The following CD63 variants were observed in gnomAD, a reference collection of about 807,000 sequenced individuals.
CD63 encodes the protein CD63 antigen.
A neutral mutation model predicts 29.2 loss-of-function variants in CD63; 16 were observed. That is an observed-to-expected ratio of 0.55 (90% CI 0.37 to 0.83). The LOEUF (loss-of-function observed/expected upper bound fraction) is 0.83. CD63 is among the 40% of genes least tolerant of loss of function. CD63 has a pLI of 0.00. For missense variants in CD63, 251 were observed against 297.3 expected, an observed-to-expected ratio of 0.84 and a Z score of 1.15; for synonymous variants, 118 against 111.7, an observed-to-expected ratio of 1.06 and a Z score of -0.36.
At position 55,728,443 on chromosome 12, in the gene CD63, C is replaced by T. The variant is rs1349379762; in HGVS notation, c.-11-91G>A. The stretch of plus-strand genomic sequence containing the variant: ...CGGCCGGCCCTCGAGGGCTTCCCTT[C>T]ACGGCCCCGATTCCCGGCCCCTCCC... On this transcript the variant is annotated intron_variant, in intron 1 of 7. Coordinates refer to ENST00000257857, the MANE Select transcript of CD63 (RefSeq NM_001780.6). This position sits in a 1 kb window ranked among gnomAD's most constrained non-coding sequence, Gnocchi z 4.8. 1.4e-5 allele frequency: 21 copies of T among 1,528,708 alleles called. No individual in the cohort carries two copies. Among genetic ancestry groups the T allele is most frequent in the South Asian group, 3.7e-5 (3 of 82,122 alleles). 94.7% of individuals were successfully genotyped at this position (1,528,708 alleles called of 1,614,324 possible).
At position 55,728,799 on chromosome 12, in the gene CD63, G is replaced by T; in HGVS notation, c.-12+154C>A. The T allele has an allele frequency of 1.0e-6, 1 of 982,644 alleles. No individual in the cohort carries two copies. The highest frequency in any genetic ancestry group is 1.2e-6 in the Non-Finnish European group (1 of 832,736). The allele number at this position is 982,644 out of a possible 1,614,324, so 60.9% of individuals were successfully genotyped here. A position where few individuals can be genotyped will look rare whatever the true frequency, so the allele number is the denominator to read the frequency against. Reference sequence around the variant, plus strand: ...GCAGCCAGCACCCCCGCCACACCCTGCCCGGGCCCAGGGAACTTCGAAGCA... The same window carrying T: ...GCAGCCAGCACCCCCGCCACACCCTTCCCGGGCCCAGGGAACTTCGAAGCA... On this transcript the variant is annotated intron_variant, in intron 1 of 7. Coordinates refer to ENST00000257857, the MANE Select transcript of CD63 (RefSeq NM_001780.6). The surrounding 1 kb of genome is among the most constrained non-coding windows in gnomAD (Gnocchi z 4.8).
chr12:55,727,955 GA>G, intron 2 of CD63: 1 of 1,203,686 alleles, frequency 8.3e-7, no homozygotes, highest in Non-Finnish European at 1.0e-6. Flanking sequence ...AGAGCGAAGG[GA>G]AGCCCCATGG....
chr12:55,725,360 C>A lies in CD63; in HGVS notation c.*201G>T. 1 of 597,082 alleles carries A rather than the reference C, an allele frequency of 1.7e-6. No individual in the cohort carries two copies. Among genetic ancestry groups the A allele is most frequent in the Non-Finnish European group, 3.0e-6 (1 of 335,826 alleles). The allele number at this position is 597,082 out of a possible 1,614,324, so 37.0% of individuals were successfully genotyped here. A position where few individuals can be genotyped will look rare whatever the true frequency, so the allele number is the denominator to read the frequency against. On this transcript the variant is annotated 3_prime_UTR_variant, in exon 8 of 8. Transcript: ENST00000257857. ...GCAAAGTCCTCCTTTCCCAAACACC[C>A]CCCAAAATAGACCTCGAAGTACACA...
At chr12:55,727,866 C>A in intron 2 of CD63, 2 of 1,070,982 alleles carry the variant, frequency 1.9e-6, no homozygotes, top group Non-Finnish European at 2.3e-6. Flanking sequence ...TTCCTCACCC[C>A]CAAGCGCTGG....
At position 55,727,268 on chromosome 12, in the gene CD63, C is replaced by T; in HGVS notation, c.138G>A (p.Gly46=). The change falls in exon 3 of 8, where the codon GGG becomes GGA. Residue 46 remains glycine (G), a synonymous_variant. Transcript: ENST00000257857. ...QLVLSQTIIQ[G]ATPGSLLPVV... Reference sequence around the variant, plus strand: ...CTGGCAACAGAGAGCCAGGGGTAGCCCCCTGGATTATGGTCTGACTCAGGA... The same window carrying T: ...CTGGCAACAGAGAGCCAGGGGTAGCTCCCTGGATTATGGTCTGACTCAGGA... 6.2e-7 allele frequency: 1 copy of T among 1,613,882 alleles called. No homozygotes were observed. The highest frequency in any genetic ancestry group is 2.2e-5 in the East Asian group (1 of 44,882).
rs746472865 is a variant in CD63, at chr12:55,728,253, C to A, written c.66+23G>T. 6.2e-7 allele frequency: 1 copy of A among 1,600,286 alleles called. No individual in the cohort carries two copies. The highest frequency in any genetic ancestry group is 8.5e-7 in the Non-Finnish European group (1 of 1,172,666). ...TCTCCCCGCACCCTGCCGGCGCGCC[C>A]CCCAGGACCCCTCGCCACTCACGCA... On this transcript the variant is annotated intron_variant, in intron 2 of 7. Transcript: ENST00000257857. The surrounding 1 kb of genome is among the most constrained non-coding windows in gnomAD (Gnocchi z 4.8).
chr12:55,726,938 CATG>C lies in CD63; in HGVS notation c.279_281del (p.Ile93del), dbSNP rs1877456354. 1 of 1,614,020 alleles carries C rather than the reference CATG, an allele frequency of 6.2e-7. No individual in the cohort carries two copies. On this transcript the variant is annotated inframe_deletion, in exon 4 of 8. Transcript: ENST00000257857. ...CAATGGCTGCGGCCACCTCCACCAA[CATG>C]ATAAGAGACAGAAAGATGGCAAACT...
Position 55,728,921 on chromosome 12 carries a change from C to G in CD63, c.-12+32G>C. 1 of 985,592 alleles carries G rather than the reference C, an allele frequency of 1.0e-6. No homozygotes were observed. Among genetic ancestry groups the G allele is most frequent in the Non-Finnish European group, 1.2e-6 (1 of 830,008 alleles). 61.1% of individuals were successfully genotyped at this position (985,592 alleles called of 1,614,324 possible). On this transcript the variant is annotated intron_variant, in intron 1 of 7. Coordinates refer to ENST00000257857, the MANE Select transcript of CD63 (RefSeq NM_001780.6). This position sits in a 1 kb window ranked among gnomAD's most constrained non-coding sequence, Gnocchi z 4.8. ...ACTGCGGGTGGTCTCTCCCAGCCCGCGCCGAAGTCCGCCGGGTCCCCGCGG... is the reference window on the plus strand; with the variant it reads ...ACTGCGGGTGGTCTCTCCCAGCCCGGGCCGAAGTCCGCCGGGTCCCCGCGG...
Position 55,726,246 on chromosome 12 carries a change from C to T in CD63, c.442G>A (p.Ala148Thr), listed in dbSNP as rs1877325187. Residue 148 changes from alanine (A) to threonine (T), a missense_variant, in exon 6 of 8, where the codon GCT becomes ACT. Physicochemically the swap from Ala to Thr is moderately conservative, Grantham distance 58. Transcript: ENST00000257857. ...RMQADFKCCGAANYTDWEKIP... is the reference protein window; with the variant it reads ...RMQADFKCCGTANYTDWEKIP... ...TTCTCCCAATCTGTGTAGTTAGCAG[C>T]CCCACAGCACTTAAACTGGGGGAGG... is the stretch of plus-strand genomic sequence containing the variant. 6.2e-7 allele frequency: 1 copy of T among 1,613,838 alleles called. No homozygotes were observed. The highest frequency in any genetic ancestry group is 8.5e-7 in the Non-Finnish European group (1 of 1,179,946).
At chr12:55,729,213 C>T (rs1197638042), upstream of CD63, 3 of 896,202 alleles carry the variant, frequency 3.3e-6, no homozygotes, top group Admixed American at 6.2e-5. Context: ...AGAAGGCGCC[C>T]ACCCCCGCAA....
At position 55,725,765 on chromosome 12, in the gene CD63, C is replaced by T. The variant is rs756313102; in HGVS notation, c.651+48G>A. 5 of 1,589,386 alleles carry T rather than the reference C, an allele frequency of 3.1e-6. No homozygotes were observed. In the African/African-American group the frequency reaches 4.0e-5, roughly 13 times the overall value. On this transcript the variant is annotated intron_variant, in intron 7 of 7. Transcript: ENST00000257857. ...CCTCCTCCCCTCAGCCCCTTCCCTC[C>T]AGGCACCCTGGACAGAGTCCCAGCC...
At position 55,725,435 on chromosome 12, in the gene CD63, T is replaced by G; in HGVS notation, c.*126A>C. 1 of 790,654 alleles carries G rather than the reference T, an allele frequency of 1.3e-6. No homozygotes were observed. The allele number at this position is 790,654 out of a possible 1,614,324, so 49.0% of individuals were successfully genotyped here. ...GAACATCAGTAAGGAAAGGAAGGAA[T>G]CAAGCATCACTCTAAGACAAACTCA... On this transcript the variant is annotated 3_prime_UTR_variant, in exon 8 of 8. Transcript: ENST00000257857.
chr12:55,727,525 T>C, intron 2 of CD63, 186 bp from the exon 3 acceptor site: 1 of 1,268,504 alleles, frequency 7.9e-7, no homozygotes, highest in South Asian at 1.9e-5. Flanking sequence ...CTACCTCCCC[T>C]GATCCCCTCC....
Position 55,726,973 on chromosome 12 carries a change from G to A in CD63, c.256-9C>T, listed in dbSNP as rs759278073. On this transcript the variant is annotated splice_polypyrimidine_tract_variant and intron_variant, in intron 3 of 7. Coordinates refer to ENST00000257857, the MANE Select transcript of CD63 (RefSeq NM_001780.6). ...GACAGAAAGATGGCAAACTGCAGGAGCAAAGGACAGAAGTCAAGTTTGGAG... is the reference window on the plus strand; with the variant it reads ...GACAGAAAGATGGCAAACTGCAGGAACAAAGGACAGAAGTCAAGTTTGGAG... The A allele has an allele frequency of 3.1e-6, 5 of 1,613,564 alleles. No individual in the cohort carries two copies. The highest frequency in any genetic ancestry group is 3.3e-5 in the Admixed American group (2 of 60,010).
At chr12:55,725,179 T>C (rs1404661588), downstream of CD63, 4 of 299,164 alleles carry the variant, frequency 1.3e-5, no homozygotes, top group East Asian at 3.6e-4. Flanking sequence ...GGCTGGGCTC[T>C]CGCAGGTGGG....
Position 55,727,174 on chromosome 12 carries a change from C to G in CD63, c.232G>C (p.Glu78Gln). 6.2e-7 allele frequency: 1 copy of G among 1,613,592 alleles called. No homozygotes were observed. The highest frequency in any genetic ancestry group is 8.5e-7 in the Non-Finnish European group (1 of 1,179,924). ...ACCGTGATCATAAGACAATAGTTCT[C>G]CTTGCAGGCCCCGCAGCAGCCCACA... is the stretch of plus-strand genomic sequence containing the variant. ...AFVGCCGACK[E>Q]NYCLMITFAI... Residue 78 changes from glutamate (E) to glutamine (Q), a missense_variant, in exon 3 of 8, where the codon GAG becomes CAG. Glu to Gln is a conservative substitution (Grantham distance 29). Coordinates refer to ENST00000257857, the MANE Select transcript of CD63 (RefSeq NM_001780.6).
At position 55,728,925 on chromosome 12, in the gene CD63, G is replaced by T; in HGVS notation, c.-12+28C>A. On this transcript the variant is annotated intron_variant, in intron 1 of 7. Transcript: ENST00000257857. The surrounding 1 kb of genome is among the most constrained non-coding windows in gnomAD (Gnocchi z 4.8). ...CGGGTGGTCTCTCCCAGCCCGCGCC[G>T]AAGTCCGCCGGGTCCCCGCGGCCTC... 1.0e-6 allele frequency: 1 copy of T among 985,626 alleles called. No homozygotes were observed. The highest frequency in any genetic ancestry group is 1.2e-6 in the Non-Finnish European group (1 of 830,018). 61.1% of individuals were successfully genotyped at this position (985,626 alleles called of 1,614,324 possible). A position where few individuals can be genotyped will look rare whatever the true frequency, so the allele number is the denominator to read the frequency against.
At chr12:55,724,714 C>T, downstream of CD63, 1 of 718,742 alleles carries the variant, frequency 1.4e-6, no homozygotes, top group Non-Finnish European at 2.4e-6. Context: ...AAGGCTGACC[C>T]CATTTAAGTG....
chr12:55,727,073 C>G (rs547028559), intron 3 of CD63, 78 bp downstream of exon 3: 1 of 1,564,354 alleles, frequency 6.4e-7, no homozygotes, highest in Non-Finnish European at 8.8e-7. Flanking sequence ...ACCCACCCAC[C>G]TCACCCACCT....
Sources: gnomAD v4.1 joint callset for allele counts on GRCh38, gnomAD v4.1.1 for gene constraint, Gnocchi (gnomAD v3.1) non-coding constraint, MANE v1.5 for transcripts, NCBI Gene and HGNC (gene_info 2026-07-23, HGNC 2026-07-21) for gene names.